Variants in ANKRD13C observed in about 807,000 individuals in gnomAD.
ANKRD13C encodes ankyrin repeat domain 13C.
ANKRD13C carries 16 observed loss-of-function variants against 65.5 expected under a neutral mutation model. The observed-to-expected ratio is 0.24, with a 90% CI of 0.17 to 0.37. ANKRD13C has a LOEUF of 0.37. Ranked by LOEUF, ANKRD13C falls within the 10% of genes least tolerant of loss-of-function variation. The pLI is 1.00. For synonymous variants in ANKRD13C, 235 were observed against 238.7 expected, an observed-to-expected ratio of 0.98 and a Z score of 0.14; for missense variants, 503 against 655.9, an observed-to-expected ratio of 0.77 and a Z score of 2.55.
intron 5 of ANKRD13C, 108 bp downstream of exon 5, chr1:70,313,637 A>G: frequency 1.3e-6 from 1 of 798,032 alleles, no homozygotes; most frequent in Non-Finnish European, 2.0e-6. Context: ...ACTTTTCCTC[A>G]CAGCAAGTAT....
At chr1:70,281,442 A>G (rs2101176636) in intron 9 of ANKRD13C, among the ~76,000 whole-genome samples, 1 of 126,962 alleles carries the variant, frequency 7.9e-6, no homozygotes, top group Non-Finnish European at 1.6e-5. Context: ...TTGCTCTGTC[A>G]CCTACACTGG....
At position 70,260,195 on chromosome 1, in the gene ANKRD13C, T is replaced by C. The variant is rs544641174; in HGVS notation, c.*2522A>G. Among the ~76,000 whole-genome samples, 6 of 152,286 alleles carry C rather than the reference T, an allele frequency of 3.9e-5. No individual in the cohort carries two copies. The highest frequency in any genetic ancestry group is 1.4e-4 in the African/African-American group (6 of 41,574). The stretch of plus-strand genomic sequence containing the variant: ...AAACCATCATCTGTACTTCTTATAC[T>C]CACAAAAATCAGGGCATCTACTTCA... On this transcript the variant is annotated 3_prime_UTR_variant, in exon 13 of 13. Coordinates refer to ENST00000370944, the MANE Select transcript of ANKRD13C (RefSeq NM_030816.5).
chr1:70,303,483 G>A (rs1238130465), intron 6 of ANKRD13C, among the ~76,000 whole-genome samples: 1 of 152,126 alleles, frequency 6.6e-6, no homozygotes, highest in Non-Finnish European at 1.5e-5. Context: ...AAATCCTGAA[G>A]TAAGACAAAA....
chr1:70,336,572 AG>A (rs1682035406), intron 1 of ANKRD13C, among the ~76,000 whole-genome samples: 1 of 152,204 alleles, frequency 6.6e-6, no homozygotes, highest in South Asian at 2.1e-4. Context: ...CATATGGCAG[AG>A]CTCATAACTT....
At chr1:70,278,421 A>G (rs1453231360) in intron 9 of ANKRD13C, among the ~76,000 whole-genome samples, 3 of 148,518 alleles carry the variant, frequency 2.0e-5, no homozygotes, top group Non-Finnish European at 4.5e-5. Flanking sequence ...TGAACCCAGG[A>G]GGCAGAGATT....
intron 1 of ANKRD13C, among the ~76,000 whole-genome samples, chr1:70,340,585 TTTG>T (rs754900419): frequency 2.0e-5 from 3 of 152,252 alleles, no homozygotes; most frequent in African/African-American, 4.8e-5. Context: ...TCCTTATTGA[TTTG>T]TTGTTGTTGT....
intron 2 of ANKRD13C, among the ~76,000 whole-genome samples, chr1:70,335,392 C>T (rs913132447): frequency 4.1e-5 from 6 of 147,952 alleles, no homozygotes; most frequent in Admixed American, 1.4e-4. Flanking sequence ...GGCAATAGAG[C>T]GAGACTCTGC....
At chr1:70,266,670 T>C (rs1678642715) in intron 12 of ANKRD13C, among the ~76,000 whole-genome samples, 2 of 152,232 alleles carry the variant, frequency 1.3e-5, no homozygotes, top group Admixed American at 1.3e-4. Flanking sequence ...ATTGTTTTAT[T>C]TCCTTTGAGA....
chr1:70,342,531 C>G (rs1173193142), intron 1 of ANKRD13C, among the ~76,000 whole-genome samples: 1 of 151,958 alleles, frequency 6.6e-6, no homozygotes, highest in Non-Finnish European at 1.5e-5. Flanking sequence ...AGCGAGACTC[C>G]AACTCGGTGG....
intron 5 of ANKRD13C, among the ~76,000 whole-genome samples, chr1:70,308,716 G>A (rs1449354773): frequency 6.9e-6 from 1 of 145,234 alleles, no homozygotes; most frequent in Non-Finnish European, 1.5e-5. Context: ...TCCAGCCTGG[G>A]CGACAGAGCG....
At chr1:70,330,369 C>A (rs1469441935) in intron 2 of ANKRD13C, among the ~76,000 whole-genome samples, 1 of 151,830 alleles carries the variant, frequency 6.6e-6, no homozygotes, top group Non-Finnish European at 1.5e-5. Flanking sequence ...ACCTGTCTGG[C>A]CAACATGGCA....
chr1:70,339,506 A>G (rs1486540546), intron 1 of ANKRD13C, among the ~76,000 whole-genome samples: 1 of 151,614 alleles, frequency 6.6e-6, no homozygotes, highest in Admixed American at 6.6e-5. Context: ...TTTAGTAGAG[A>G]TAAGGCTTCA....
chr1:70,351,941 G>A lies in ANKRD13C; in HGVS notation c.430+2038C>T, dbSNP rs562945679. 1.2e-3 allele frequency among the ~76,000 whole-genome samples: 176 copies of A among 152,212 alleles called. 2 individuals carry two copies. The highest frequency in any genetic ancestry group is 4.2e-3 in the African/African-American group (173 of 41,544). On this transcript the variant is annotated intron_variant, in intron 1 of 12. Transcript: ENST00000370944. ...ATGAGCATGTACACATTGCAGGGGGGAAAGCAATTATATTTACCCCAGGTA... is the reference window on the plus strand; with the variant it reads ...ATGAGCATGTACACATTGCAGGGGGAAAAGCAATTATATTTACCCCAGGTA...
chr1:70,270,658 C>G lies in ANKRD13C; in HGVS notation c.1495+198G>C, dbSNP rs1362536830. 2.0e-5 allele frequency among the ~76,000 whole-genome samples: 3 copies of G among 152,284 alleles called. No homozygotes were observed. The South Asian group carries it at 6.2e-4, about 32-fold the overall frequency. ...GAATCTAATGCCACCACTGATCTGA[C>G]AGGAGGCAGAGCTCAGGCGGCAATG... On this transcript the variant is annotated intron_variant, in intron 12 of 12. Coordinates refer to ENST00000370944, the MANE Select transcript of ANKRD13C (RefSeq NM_030816.5).
chr1:70,329,868 G>A (rs1415831346), intron 2 of ANKRD13C, among the ~76,000 whole-genome samples: 4 of 152,004 alleles, frequency 2.6e-5, no homozygotes, highest in Admixed American at 6.6e-5. Context: ...TGAGGCGGGC[G>A]GATCAGGAGA....
At chr1:70,271,564 A>C (rs953075162) in intron 11 of ANKRD13C, among the ~76,000 whole-genome samples, 1 of 152,180 alleles carries the variant, frequency 6.6e-6, no homozygotes, top group Non-Finnish European at 1.5e-5. Context: ...CTCCATACAT[A>C]AATTAAAGTT....
At chr1:70,347,173 C>A (rs1482900794) in intron 1 of ANKRD13C, among the ~76,000 whole-genome samples, 1 of 149,816 alleles carries the variant, frequency 6.7e-6, no homozygotes, top group Non-Finnish European at 1.5e-5. Context: ...ACAGAAAAGG[C>A]GAAAGACCTT....
intron 12 of ANKRD13C, 103 bp from the exon 13 acceptor site, chr1:70,262,950 A>AAAG: frequency 2.2e-6 from 2 of 916,146 alleles, no homozygotes; most frequent in East Asian, 3.5e-5. Flanking sequence ...ATGTAAAAAA[A>AAAG]AAAAAAAAAA....
In ANKRD13C at chr1:70,292,558, A is replaced by T; in HGVS notation, c.1054-9T>A. On this transcript the variant is annotated splice_polypyrimidine_tract_variant and intron_variant, in intron 8 of 12. Transcript: ENST00000370944. Reference sequence around the variant, plus strand: ...AAGTTTCCTACTCTTTCCTAAAACAAAACCAAATATTTAAAAGTAAAATTT... The same window carrying T: ...AAGTTTCCTACTCTTTCCTAAAACATAACCAAATATTTAAAAGTAAAATTT... 6.3e-7 allele frequency: 1 copy of T among 1,576,038 alleles called. No individual in the cohort carries two copies. The highest frequency in any genetic ancestry group is 2.3e-5 in the East Asian group (1 of 44,136).
Sources: allele counts gnomAD v4.1 joint callset (sites outside exome capture counted in the v4.1 genomes callset), GRCh38; gene constraint gnomAD v4.1.1; transcripts MANE v1.5; gene names NCBI Gene and HGNC (gene_info 2026-07-23, HGNC 2026-07-21).